Variants in ZNF573 observed in about 807,000 individuals in gnomAD.
The protein encoded by ZNF573 is zinc finger protein 573.
In ZNF573, 41 loss-of-function variants were observed where a neutral mutation model predicts 57.4. The observed-to-expected ratio is 0.71, with a 90% CI of 0.56 to 0.93. The LOEUF (loss-of-function observed/expected upper bound fraction) is 0.93, where lower values mean the gene tolerates loss of function less well. Among genes scored for constraint, ZNF573 ranks in the 40% least tolerant of loss-of-function variants. The pLI, the probability that ZNF573 is intolerant of heterozygous loss-of-function variation, is 0.00. For missense variants in ZNF573, 730 were observed against 794.8 expected, an observed-to-expected ratio of 0.92 and a Z score of 0.98; for synonymous variants, 249 against 261.0, an observed-to-expected ratio of 0.95 and a Z score of 0.44.
In ZNF573 at chr19:37,740,116, T is replaced by G. The variant is rs1474797286; in HGVS notation, c.374A>C (p.Gln125Pro). ...YETDISSTQLQSIYKREKLYE... is the reference protein window; with the variant it reads ...YETDISSTQLPSIYKREKLYE... Reference sequence around the variant, plus strand: ...GAGTTTCTCTCTCTTATATATGCTCTGAAGTTGTGTAGAGGATATATCTGT... The same window carrying G: ...GAGTTTCTCTCTCTTATATATGCTCGGAAGTTGTGTAGAGGATATATCTGT... Residue 125 changes from glutamine (Q) to proline (P), a missense_variant, in exon 5 of 5, where the codon CAG becomes CCG. Transcript: ENST00000536220. 6.2e-7 allele frequency: 1 copy of G among 1,613,798 alleles called. No homozygotes were observed. Among genetic ancestry groups the G allele is most frequent in the African/African-American group, 1.3e-5 (1 of 74,934 alleles).
At position 37,771,615 on chromosome 19, in the gene ZNF573, C is replaced by G; in HGVS notation, c.151G>C (p.Asp51His). Residue 51 changes from aspartate to histidine, a missense_variant, in exon 3 of 5, where the codon GAC becomes CAC. Transcript: ENST00000536220. ...EWEYLDPNQR[D>H]LYRDVMLENY... The stretch of plus-strand genomic sequence containing the variant: ...TCCAACATCACATCCCTGTATAAGT[C>G]CCTCTGATTAGGGTCCAGGTATTCC... 6.2e-7 allele frequency: 1 copy of G among 1,606,458 alleles called. No homozygotes were observed.
chr19:37,774,662 G>A (rs927324358), intron 1 of ZNF573, among the ~76,000 whole-genome samples: 2 of 152,002 alleles, frequency 1.3e-5, no homozygotes, highest in Non-Finnish European at 2.9e-5. Flanking sequence ...TACTGTCAAC[G>A]GAAAATTAAG....
In ZNF573 at chr19:37,738,503, T is replaced by C. The variant is rs763831215; in HGVS notation, c.1987A>G (p.Ile663Val). Reference protein sequence around the residue: ...LKAHQRIHRSIKV With the variant: ...LKAHQRIHRSVKV ...TACTCTTTACGGTCTTACACTTTTA[T>C]GCTCCTATGAATTCTCTGATGGGCT... is the stretch of plus-strand genomic sequence containing the variant. Residue 663 changes from isoleucine (I) to valine (V), a missense_variant, in exon 5 of 5, where the codon ATA becomes GTA. Transcript: ENST00000536220. 3.3e-6 allele frequency: 5 copies of C among 1,532,476 alleles called. No individual in the cohort carries two copies. The highest frequency in any genetic ancestry group is 2.6e-6 in the Non-Finnish European group (3 of 1,144,392). The allele number at this position is 1,532,476 out of a possible 1,614,324, so 94.9% of individuals were successfully genotyped here. A position where few individuals can be genotyped will look rare whatever the true frequency, so the allele number is the denominator to read the frequency against.
At chr19:37,742,655 A>T (rs1227902433) in intron 4 of ZNF573, among the ~76,000 whole-genome samples, 1 of 152,186 alleles carries the variant, frequency 6.6e-6, no homozygotes, top group Non-Finnish European at 1.5e-5. Context: ...CCCCTTCCTT[A>T]CACCTTATGT....
chr19:37,764,891 C>CT (rs2045587392), intron 4 of ZNF573, among the ~76,000 whole-genome samples: 1 of 148,874 alleles, frequency 6.7e-6, no homozygotes, highest in African/African-American at 2.5e-5. Flanking sequence ...GCATGAGCCA[C>CT]TGTGCCCGGC....
chr19:37,753,475 A>G (rs2045458227), intron 4 of ZNF573, among the ~76,000 whole-genome samples: 1 of 152,114 alleles, frequency 6.6e-6, no homozygotes, highest in Non-Finnish European at 1.5e-5. Flanking sequence ...TATCACAGTA[A>G]ATTTTTTTTT....
In ZNF573 at chr19:37,771,773, G is replaced by A. The variant is rs2045661686; in HGVS notation, c.70-77C>T. 6.9e-6 allele frequency: 10 copies of A among 1,443,166 alleles called. No homozygotes were observed. In the South Asian group the frequency reaches 1.3e-4, roughly 19 times the overall value. The allele number at this position is 1,443,166 out of a possible 1,614,324, so 89.4% of individuals were successfully genotyped here. A position where few individuals can be genotyped will look rare whatever the true frequency, so the allele number is the denominator to read the frequency against. ...TAGGAGATTACAAGAGCACATTAGA[G>A]AAAAGGAGTGATATAGTATATGTGG... is the stretch of plus-strand genomic sequence containing the variant. On this transcript the variant is annotated intron_variant, in intron 2 of 4. Coordinates refer to ENST00000536220, the MANE Select transcript of ZNF573 (RefSeq NM_001172690.2).
At chr19:37,757,476 C>T (rs903044613) in intron 4 of ZNF573, among the ~76,000 whole-genome samples, 3 of 152,076 alleles carry the variant, frequency 2.0e-5, no homozygotes, top group Non-Finnish European at 2.9e-5. Flanking sequence ...GGATTACAGG[C>T]GTGAGCTACC....
At chr19:37,753,355 C>T (rs947445346) in intron 4 of ZNF573, among the ~76,000 whole-genome samples, 5 of 151,902 alleles carry the variant, frequency 3.3e-5, no homozygotes, top group African/African-American at 1.2e-4. Flanking sequence ...AGTATTTATC[C>T]TTTGTGCTAC....
Position 37,773,715 on chromosome 19 carries a change from C to CA in ZNF573, c.14dup (p.Leu5PhefsTer15). The stretch of plus-strand genomic sequence containing the variant: ...TGATCAGTCCTACTTGGTGGGGTTC[C>CA]AATACTGGAAACATTCAAACTCCAG... On this transcript the variant is annotated frameshift_variant, in exon 2 of 5. Transcript: ENST00000536220. LOFTEE classifies it high-confidence loss of function. The CA allele has an allele frequency of 6.5e-7, 1 of 1,535,582 alleles. No individual in the cohort carries two copies. Among genetic ancestry groups the CA allele is most frequent in the Non-Finnish European group, 8.7e-7 (1 of 1,146,614 alleles).
chr19:37,755,423 T>C (rs942571503), intron 4 of ZNF573, among the ~76,000 whole-genome samples: 1 of 152,122 alleles, frequency 6.6e-6, no homozygotes, highest in Non-Finnish European at 1.5e-5. Flanking sequence ...ATTTGTTGAG[T>C]TGACATTTCA....
At chr19:37,772,731 T>C (rs1308520716) in intron 2 of ZNF573, among the ~76,000 whole-genome samples, 2 of 151,596 alleles carry the variant, frequency 1.3e-5, no homozygotes, top group African/African-American at 4.9e-5. Flanking sequence ...CCTCCCACGC[T>C]CAAGCAATCC....
chr19:37,771,866 C>T (rs930280458), intron 2 of ZNF573, among the ~76,000 whole-genome samples, 170 bp from the exon 3 acceptor site: 2 of 152,100 alleles, frequency 1.3e-5, no homozygotes. Flanking sequence ...GCCACAGGAT[C>T]CTATTCCTAA....
chr19:37,765,338 C>T (rs754027217), intron 4 of ZNF573, among the ~76,000 whole-genome samples: 13 of 152,174 alleles, frequency 8.5e-5, no homozygotes, highest in Non-Finnish European at 1.8e-4. Flanking sequence ...TTATGGCTGA[C>T]TAAAGGCTTG....
At position 37,738,470 on chromosome 19, in the gene ZNF573, C is replaced by T. The variant is rs768653510; in HGVS notation, c.*22G>A. 5.3e-6 allele frequency: 8 copies of T among 1,500,896 alleles called. No individual in the cohort carries two copies. The highest frequency in any genetic ancestry group is 1.8e-4 in the Middle Eastern group (1 of 5,576). 93.0% of individuals were successfully genotyped at this position (1,500,896 alleles called of 1,614,324 possible). A position where few individuals can be genotyped will look rare whatever the true frequency, so the allele number is the denominator to read the frequency against. The stretch of plus-strand genomic sequence containing the variant: ...GTGTGGGCTGTCTGATGATGAATGG[C>T]GCGCTCGTACTCTTTACGGTCTTAC... On this transcript the variant is annotated 3_prime_UTR_variant, in exon 5 of 5. Coordinates refer to ENST00000536220, the MANE Select transcript of ZNF573 (RefSeq NM_001172690.2).
intron 4 of ZNF573, among the ~76,000 whole-genome samples, chr19:37,756,129 G>A (rs936897220): frequency 3.3e-5 from 5 of 152,210 alleles, no homozygotes. Flanking sequence ...GCACAGAGTT[G>A]TTATATCTCA....
At chr19:37,778,163 T>C (rs1294351278) in intron 1 of ZNF573, among the ~76,000 whole-genome samples, 1 of 151,598 alleles carries the variant, frequency 6.6e-6, no homozygotes, top group African/African-American at 2.4e-5. Flanking sequence ...TAAAGTCTCA[T>C]TGGTAAATTG....
rs1200587306 is a variant in ZNF573 at position 37,748,736 on chromosome 19, G to A, written c.296-8542C>T. Among the ~76,000 whole-genome samples the A allele has an allele frequency of 2.0e-5, 3 of 152,190 alleles. No individual in the cohort carries two copies. In the East Asian group the frequency reaches 5.8e-4, roughly 29 times the overall value. ...AAGTTCAGGAATTCGAGACCAGCCT[G>A]GCCAATATGGTGAAACCCCATCTCT... On this transcript the variant is annotated intron_variant, in intron 4 of 4. Transcript: ENST00000536220.
chr19:37,764,950 G>A (rs1313338367), intron 4 of ZNF573, among the ~76,000 whole-genome samples: 1 of 146,192 alleles, frequency 6.8e-6, no homozygotes, highest in Non-Finnish European at 1.5e-5. Flanking sequence ...TTGTCGCCTA[G>A]GCTGGAGTGC....
Sources: gnomAD v4.1 joint callset for allele counts (sites outside exome capture counted in the v4.1 genomes callset) on GRCh38, gnomAD v4.1.1 for gene constraint, MANE v1.5 for transcripts, NCBI Gene and HGNC (gene_info 2026-07-23, HGNC 2026-07-21) for gene names.